IKZF3: variants seen among roughly 807,000 people sequenced by gnomAD.
IKZF3 encodes IKAROS family zinc finger 3, also known as zinc finger protein Aiolos.
In IKZF3, 10 loss-of-function variants were observed where a neutral mutation model predicts 49.0. The ratio of observed to expected loss-of-function variants is 0.20; its 90% CI spans 0.13 to 0.35. The LOEUF (loss-of-function observed/expected upper bound fraction) is 0.35. Among genes scored for constraint, IKZF3 ranks in the 10% least tolerant of loss-of-function variants. The pLI is 1.00. For missense variants in IKZF3, 498 were observed against 664.8 expected (o/e 0.75, Z 2.76); for synonymous variants, 209 against 228.2 (o/e 0.92, Z 0.76).
chr17:39,766,059 C>A lies in IKZF3; in HGVS notation c.1261G>T (p.Val421Phe), dbSNP rs763777972. The change falls in exon 8 of 8, where the codon GTT becomes TTT. Residue 421 changes from valine to phenylalanine, a missense_variant. Coordinates refer to ENST00000346872, the MANE Select transcript of IKZF3 (RefSeq NM_012481.5). Reference sequence around the variant, plus strand: ...TTGAGGAGTTCGTAAGAGCGGGGAACCTCCTTCAGAAGTGGCATCCCATTG... The same window carrying A: ...TTGAGGAGTTCGTAAGAGCGGGGAAACTCCTTCAGAAGTGGCATCCCATTG... The part of the protein sequence containing the change: ...ARNGMPLLKE[V>F]PRSYELLKPP... The A allele has an allele frequency of 2.5e-6, 4 of 1,614,168 alleles. No individual in the cohort carries two copies. The highest frequency in any genetic ancestry group is 3.4e-6 in the Non-Finnish European group (4 of 1,180,032).
At chr17:39,779,376 G>A (rs1479522253) in intron 6 of IKZF3, among the ~76,000 whole-genome samples, 2 of 151,996 alleles carry the variant, frequency 1.3e-5, no homozygotes, top group African/African-American at 4.8e-5. Flanking sequence ...CCGGAGAATC[G>A]CTTGAACCCA....
chr17:39,795,516 C>A (rs1401744019), intron 3 of IKZF3, among the ~76,000 whole-genome samples: 2 of 152,050 alleles, frequency 1.3e-5, no homozygotes, highest in Non-Finnish European at 1.5e-5. Context: ...AAGTGATTCT[C>A]CTGCCTCAGC....
intron 1 of IKZF3, among the ~76,000 whole-genome samples, chr17:39,849,716 G>T (rs866182642): frequency 6.6e-6 from 1 of 151,842 alleles, no homozygotes; most frequent in African/African-American, 2.4e-5. Context: ...GACGCTTCAG[G>T]AAAGAGGATC....
At chr17:39,790,509 G>T (rs1212704851) in intron 5 of IKZF3, among the ~76,000 whole-genome samples, 2 of 152,056 alleles carry the variant, frequency 1.3e-5, no homozygotes, top group Non-Finnish European at 2.9e-5. Context: ...TGAGTTTGGG[G>T]CTAGGTTTTA....
chr17:39,771,906 G>A (rs2941508), intron 7 of IKZF3, among the ~76,000 whole-genome samples: 151,559 of 151,852 alleles, frequency 1, 75,633 homozygotes, highest in Middle Eastern at 1. Flanking sequence ...CACCTGGCTA[G>A]GTTTTTGATT....
intron 1 of IKZF3, among the ~76,000 whole-genome samples, chr17:39,833,759 G>T (rs570149376): frequency 1.3e-5 from 2 of 152,090 alleles, no homozygotes; most frequent in South Asian, 4.2e-4. Context: ...TTAAATTTTA[G>T]AGTAGTTTTA....
At position 39,829,484 on chromosome 17, in the gene IKZF3, ACTTT is replaced by A; in HGVS notation, c.62_65del (p.Glu21ValfsTer5). On this transcript the variant is annotated frameshift_variant and splice_region_variant, in exon 3 of 8. Coordinates refer to ENST00000346872, the MANE Select transcript of IKZF3 (RefSeq NM_012481.5). LOFTEE classifies it high-confidence loss of function. ...AACTGTAGTCATTCAAAACCGCTGC[ACTTT>A]CTAAAAGATAAAAGGAATTTTAAGT... The A allele has an allele frequency of 6.2e-7, 1 of 1,610,484 alleles. No homozygotes were observed. Among genetic ancestry groups the A allele is most frequent in the South Asian group, 1.1e-5 (1 of 90,990 alleles).
At chr17:39,827,491 A>G (rs528627797) in intron 3 of IKZF3, among the ~76,000 whole-genome samples, 3 of 151,454 alleles carry the variant, frequency 2.0e-5, no homozygotes, top group South Asian at 4.2e-4. Flanking sequence ...TTTTTTTTAT[A>G]GAGATGAGGC....
At chr17:39,835,661 C>G (rs540733061) in intron 1 of IKZF3, 1 of 436,530 alleles carries the variant, frequency 2.3e-6, no homozygotes, top group Admixed American at 2.8e-5. Context: ...AGCTGTTATG[C>G]GTGGACAGCC....
intron 1 of IKZF3, among the ~76,000 whole-genome samples, chr17:39,850,956 GTATAT>G (rs1387661949): frequency 7.5e-6 from 1 of 133,204 alleles, no homozygotes; most frequent in African/African-American, 2.9e-5. Context: ...TTATATACAC[GTATAT>G]TATATACGTG....
chr17:39,791,338 C>T (rs963581494), intron 5 of IKZF3, 78 bp downstream of exon 5: 3 of 1,468,322 alleles, frequency 2.0e-6, no homozygotes, highest in South Asian at 2.4e-5. Context: ...AACCTTCCTA[C>T]TTAACTCTTT....
intron 7 of IKZF3, among the ~76,000 whole-genome samples, chr17:39,776,392 A>G (rs867032041): frequency 2.0e-5 from 3 of 152,342 alleles, no homozygotes; most frequent in South Asian, 4.1e-4. Flanking sequence ...AATGTCTTAA[A>G]CTCACCATTT....
chr17:39,861,451 G>A (rs112773712), intron 1 of IKZF3, among the ~76,000 whole-genome samples: 2,695 of 152,266 alleles, frequency 0.018, 30 homozygotes, highest in Middle Eastern at 0.027. Context: ...CAAAGACATG[G>A]AAGCATGAAA....
At chr17:39,850,261 AT>A (rs1288183448) in intron 1 of IKZF3, among the ~76,000 whole-genome samples, 1 of 141,752 alleles carries the variant, frequency 7.1e-6, no homozygotes, top group Non-Finnish European at 1.5e-5. Flanking sequence ...TATATAGCAT[AT>A]TATGTATGTA....
intron 3 of IKZF3, among the ~76,000 whole-genome samples, chr17:39,828,017 G>A (rs2062003685): frequency 6.6e-6 from 1 of 152,154 alleles, no homozygotes; most frequent in Admixed American, 6.5e-5. Flanking sequence ...CCAAAGAGGA[G>A]GATATTGGTG....
chr17:39,772,918 T>A (rs1427973669), intron 7 of IKZF3, among the ~76,000 whole-genome samples: 1 of 152,136 alleles, frequency 6.6e-6, no homozygotes. Context: ...TGGGTTCAAG[T>A]GATTCTTGTG....
At position 39,795,472 on chromosome 17, in the gene IKZF3, G is replaced by A. The variant is rs373101580; in HGVS notation, c.164-2539C>T. 1.6e-4 allele frequency among the ~76,000 whole-genome samples: 25 copies of A among 152,134 alleles called. No homozygotes were observed. The East Asian group carries it at 4.3e-3, about 26-fold the overall frequency. On this transcript the variant is annotated intron_variant, in intron 3 of 7. Coordinates refer to ENST00000346872, the MANE Select transcript of IKZF3 (RefSeq NM_012481.5). ...TGCCCAGCCTGGAGTGTAGTGGCAC[G>A]ATCAGCTCACTGCCACCTCTGCTTC...
At chr17:39,827,140 C>A (rs1362864552) in intron 3 of IKZF3, among the ~76,000 whole-genome samples, 1 of 151,900 alleles carries the variant, frequency 6.6e-6, no homozygotes, top group African/African-American at 2.4e-5. Flanking sequence ...TGGGATTACA[C>A]GTGAGTACCG....
intron 1 of IKZF3, among the ~76,000 whole-genome samples, chr17:39,857,022 A>T (rs1257711666): frequency 6.6e-6 from 1 of 152,170 alleles, no homozygotes; most frequent in Non-Finnish European, 1.5e-5. Context: ...AATTTAAATC[A>T]AGTTAGCCCG....
Sources: gnomAD v4.1 joint callset for allele counts (sites outside exome capture counted in the v4.1 genomes callset) on GRCh38, gnomAD v4.1.1 for gene constraint, MANE v1.5 for transcripts, NCBI Gene and HGNC (gene_info 2026-07-23, HGNC 2026-07-21) for gene names.